The following KCNIP1 variants were observed in gnomAD, a reference collection of about 807,000 sequenced individuals.
KCNIP1 encodes the protein potassium voltage-gated channel interacting protein 1.
Under a neutral mutation model 33.0 loss-of-function variants are expected in KCNIP1, and 18 were observed. The observed-to-expected ratio is 0.55, with a 90% CI of 0.38 to 0.81. The LOEUF is 0.81. Among genes scored for constraint, KCNIP1 ranks in the 30% least tolerant of loss-of-function variants. KCNIP1 has a pLI of 0.00. For synonymous variants in KCNIP1, 93 were observed against 98.3 expected (o/e 0.95, Z 0.32); for missense variants, 238 against 271.6 (o/e 0.88, Z 0.87).
intron 1 of KCNIP1, among the ~76,000 whole-genome samples, chr5:170,683,073 A>G (rs541748204): frequency 6.6e-6 from 1 of 152,344 alleles, no homozygotes; most frequent in South Asian, 2.1e-4. Context: ...AAGGATATCA[A>G]TCATTCATCT....
chr5:170,682,792 T>TTTC (rs1191550767), intron 1 of KCNIP1, among the ~76,000 whole-genome samples: 2,772 of 131,978 alleles, frequency 0.021, 76 homozygotes, highest in Middle Eastern at 0.038. Flanking sequence ...TTCTTTTTTT[T>TTTC]TTTTTTTTTT....
At chr5:170,698,151 G>A (rs546825727) in intron 1 of KCNIP1, among the ~76,000 whole-genome samples, 1 of 152,138 alleles carries the variant, frequency 6.6e-6, no homozygotes, top group African/African-American at 2.4e-5. Flanking sequence ...ACCGCCATGT[G>A]GTAAGCACTG....
intron 1 of KCNIP1, among the ~76,000 whole-genome samples, chr5:170,611,009 C>A (rs1413775490): frequency 2.0e-5 from 3 of 152,230 alleles, no homozygotes; most frequent in African/African-American, 4.8e-5. Flanking sequence ...GAGTTCCCCC[C>A]AAAATGAACT....
chr5:170,546,336 C>G (rs867537385), intron 1 of KCNIP1, among the ~76,000 whole-genome samples: 1 of 152,214 alleles, frequency 6.6e-6, no homozygotes, highest in South Asian at 2.1e-4. Flanking sequence ...AAATTTCATT[C>G]CAACCTTCCA....
chr5:170,357,114 A>G (rs924109034), intron 1 of KCNIP1, among the ~76,000 whole-genome samples: 2 of 150,950 alleles, frequency 1.3e-5, no homozygotes, highest in Non-Finnish European at 2.9e-5. Flanking sequence ...TCCCACATTT[A>G]AAGAATCTCT....
chr5:170,483,982 C>G (rs1048474551), intron 1 of KCNIP1: 1 of 152,208 alleles, frequency 6.6e-6, no homozygotes, highest in Non-Finnish European at 1.5e-5. Flanking sequence ...CATCACTTTG[C>G]TGCCAAGAGA....
intron 1 of KCNIP1, among the ~76,000 whole-genome samples, chr5:170,400,764 G>A (rs961046937): frequency 2.0e-5 from 3 of 152,162 alleles, no homozygotes; most frequent in African/African-American, 4.8e-5. Context: ...CCTTAGAGCC[G>A]AAACCCCCAT....
intron 1 of KCNIP1, among the ~76,000 whole-genome samples, chr5:170,365,668 C>T (rs902430777): frequency 2.0e-5 from 3 of 152,190 alleles, no homozygotes; most frequent in African/African-American, 7.2e-5. Context: ...GCTGTGTTCC[C>T]CTCCAGCCCT....
At chr5:170,497,929 C>T (rs1376966755) in intron 1 of KCNIP1, among the ~76,000 whole-genome samples, 1 of 152,228 alleles carries the variant, frequency 6.6e-6, no homozygotes, top group Non-Finnish European at 1.5e-5. Flanking sequence ...CCTCAGGCAG[C>T]GCAGCCATCA....
intron 1 of KCNIP1, among the ~76,000 whole-genome samples, chr5:170,549,315 TTA>T (rs1279371674): frequency 6.6e-6 from 1 of 152,218 alleles, no homozygotes; most frequent in Non-Finnish European, 1.5e-5. Flanking sequence ...CTTCGTTTTT[TTA>T]AAATATGGAT....
chr5:170,426,190 C>A (rs1179454152), intron 1 of KCNIP1, among the ~76,000 whole-genome samples: 1 of 151,788 alleles, frequency 6.6e-6, no homozygotes, highest in Non-Finnish European at 1.5e-5. Context: ...GCCCCTGTAT[C>A]CTCAGGCCCA....
At chr5:170,640,824 C>T (rs1259714501) in intron 1 of KCNIP1, among the ~76,000 whole-genome samples, 1 of 152,144 alleles carries the variant, frequency 6.6e-6, no homozygotes, top group African/African-American at 2.4e-5. Context: ...CAAGGGGGGA[C>T]ACCTCACAGA....
At chr5:170,462,717 C>G (rs116673162) in intron 1 of KCNIP1, among the ~76,000 whole-genome samples, 6 of 151,996 alleles carry the variant, frequency 3.9e-5, no homozygotes, top group African/African-American at 1.5e-4. Context: ...ATTGTAAAAA[C>G]GTGGAACCAG....
intron 1 of KCNIP1, among the ~76,000 whole-genome samples, chr5:170,684,765 G>A (rs1561764100): frequency 6.6e-6 from 1 of 152,174 alleles, no homozygotes; most frequent in Non-Finnish European, 1.5e-5. Context: ...TGCAACCTGA[G>A]CCACAAACCT....
chr5:170,706,905 A>G (rs975636169), intron 1 of KCNIP1, among the ~76,000 whole-genome samples: 3 of 152,080 alleles, frequency 2.0e-5, no homozygotes, highest in Non-Finnish European at 2.9e-5. Context: ...CACTCACCCT[A>G]GGCAACATGC....
chr5:170,364,290 A>G (rs1347056382), intron 1 of KCNIP1, among the ~76,000 whole-genome samples: 1 of 152,148 alleles, frequency 6.6e-6, no homozygotes, highest in Non-Finnish European at 1.5e-5. Flanking sequence ...CCAGGCTGCC[A>G]TACCTGGCCC....
At chr5:170,500,782 C>A (rs540656808), upstream of KCNIP1, among the ~76,000 whole-genome samples, 3 of 152,146 alleles carry the variant, frequency 2.0e-5, no homozygotes, top group Non-Finnish European at 4.4e-5. Flanking sequence ...TGTCACAAGG[C>A]GTCCGCAGGA....
chr5:170,562,668 G>T (rs2113459499), intron 1 of KCNIP1, among the ~76,000 whole-genome samples: 1 of 152,322 alleles, frequency 6.6e-6, no homozygotes, highest in Middle Eastern at 3.4e-3. Context: ...TCCCTGAGCT[G>T]CTGTGCCCAC....
chr5:170,725,829 T>C (rs1313635108), intron 5 of KCNIP1, among the ~76,000 whole-genome samples: 1 of 152,074 alleles, frequency 6.6e-6, no homozygotes, highest in African/African-American at 2.4e-5. Context: ...AAATAAATAT[T>C]TTTTAAAAAT....
Sources: gnomAD v4.1 joint callset for allele counts (sites outside exome capture counted in the v4.1 genomes callset) on GRCh38, gnomAD v4.1.1 for gene constraint, MANE v1.5 for transcripts, NCBI Gene and HGNC (gene_info 2026-07-23, HGNC 2026-07-21) for gene names.